Variants in KDM5B observed in about 807,000 individuals in gnomAD.
KDM5B encodes the protein lysine demethylase 5B, also known as lysine-specific demethylase 5B.
A neutral mutation model predicts 193.4 loss-of-function variants in KDM5B; 144 were observed. The observed-to-expected ratio is 0.74, with a 90% CI of 0.65 to 0.86. The LOEUF (loss-of-function observed/expected upper bound fraction) is 0.86. Ranked by LOEUF, KDM5B falls within the 40% of genes least tolerant of loss-of-function variation. The pLI, the probability that KDM5B is intolerant of heterozygous loss-of-function variation, is 0.00. For missense variants in KDM5B, 1,833 were observed against 1,886.9 expected, an observed-to-expected ratio of 0.97 and a Z score of 0.53; for synonymous variants, 668 against 682.6, an observed-to-expected ratio of 0.98 and a Z score of 0.33.
rs750370065 is a variant in KDM5B, at chr1:202,755,386, T to C, written c.1423A>G (p.Ile475Val). 1.2e-6 allele frequency: 2 copies of C among 1,613,742 alleles called. No individual in the cohort carries two copies. The highest frequency in any genetic ancestry group is 1.7e-5 in the Admixed American group (1 of 60,018). ...TTCATGCCACATATATCAGCAGTAA[T>C]ATGTGCAAGGACAGACTGCTCCATC... is the stretch of plus-strand genomic sequence containing the variant. ...PVMEQSVLAH[I>V]TADICGMKLP... is the part of the protein sequence containing the mutation. Residue 475 changes from isoleucine (I) to valine (V), a missense_variant, in exon 11 of 27, where the codon ATT (isoleucine) becomes GTT (valine). Transcript: ENST00000367265.
chr1:202,796,525 C>A, intron 1 of KDM5B: 1 of 180,696 alleles, frequency 5.5e-6, no homozygotes, highest in South Asian at 1.1e-4. Flanking sequence ...CTGGTCCACC[C>A]TGGCACTATC....
At chr1:202,790,513 A>C (rs1176374839) in intron 1 of KDM5B, among the ~76,000 whole-genome samples, 1 of 151,982 alleles carries the variant, frequency 6.6e-6, no homozygotes, top group Non-Finnish European at 1.5e-5. Flanking sequence ...TGAGGTCTGG[A>C]GTTCGAGACC....
intron 8 of KDM5B, among the ~76,000 whole-genome samples, chr1:202,759,811 A>G (rs954418642): frequency 6.6e-6 from 1 of 152,216 alleles, no homozygotes; most frequent in Non-Finnish European, 1.5e-5. Context: ...CTACTTTTTA[A>G]GTTGTTCAAT....
chr1:202,788,613 GAAAGCATTATTTCTTT>G (rs1214061264), intron 1 of KDM5B, among the ~76,000 whole-genome samples: 1 of 152,010 alleles, frequency 6.6e-6, no homozygotes. Context: ...CTCTAAACAG[GAAAGCATTATTTCTTT>G]CATGTCATTC....
rs531093805 is a variant in KDM5B at position 202,740,328 on chromosome 1, T to A, written c.3084+346A>T. Among the ~76,000 whole-genome samples, 138 of 129,674 alleles carry A rather than the reference T, an allele frequency of 1.1e-3. 5 individuals carry two copies. The highest frequency in any genetic ancestry group is 3.7e-3 in the African/African-American group (136 of 36,320). The allele number at this position is 129,674 out of a possible 152,430, so 85.1% of individuals were successfully genotyped here. On this transcript the variant is annotated intron_variant, in intron 20 of 26. Transcript: ENST00000367265. Reference sequence around the variant, plus strand: ...CGGCCGGGCAGAGGCGCCCCTCACCTCCCGGACGGGGTGGCCGGCCGGGCG... The same window carrying A: ...CGGCCGGGCAGAGGCGCCCCTCACCACCCGGACGGGGTGGCCGGCCGGGCG...
At chr1:202,797,663 T>C (rs557681682) in intron 1 of KDM5B, among the ~76,000 whole-genome samples, 16 of 152,216 alleles carry the variant, frequency 1.1e-4, no homozygotes, top group Non-Finnish European at 1.9e-4. Flanking sequence ...ATTGAGATTA[T>C]TTAAATTATG....
At chr1:202,792,777 C>T (rs1453136995) in intron 1 of KDM5B, among the ~76,000 whole-genome samples, 3 of 151,896 alleles carry the variant, frequency 2.0e-5, no homozygotes, top group Admixed American at 6.6e-5. Flanking sequence ...GGGTGGATCA[C>T]GAGGTCAGGA....
At chr1:202,782,944 G>A (rs1018033981) in intron 1 of KDM5B, among the ~76,000 whole-genome samples, 3 of 152,136 alleles carry the variant, frequency 2.0e-5, no homozygotes, top group African/African-American at 7.2e-5. Flanking sequence ...TTGAGCCTGG[G>A]AGCTCAAGAC....
Position 202,749,102 on chromosome 1 carries a change from A to C in KDM5B, c.1859T>G (p.Leu620Trp). ...LGRQCVEHYR[L>W]LHRYCVFSHD... ...GGAAAACACACAATATCGATGAAGC[A>C]AGCGATAATGCTCCACACACTGTCG... is the stretch of plus-strand genomic sequence containing the variant. Residue 620 changes from leucine to tryptophan, a missense_variant, in exon 14 of 27, where the codon TTG becomes TGG. By Grantham distance (61) the Leu-to-Trp change is moderately conservative. This residue lies in a region of KDM5B where 1,379 missense variants were observed against 1,349.6 expected (regional missense o/e 1.02). Transcript: ENST00000367265. The C allele has an allele frequency of 2.5e-6, 4 of 1,614,004 alleles. No homozygotes were observed. Among genetic ancestry groups the C allele is most frequent in the Non-Finnish European group, 3.4e-6 (4 of 1,179,962 alleles).
chr1:202,746,050 T>C, intron 15 of KDM5B, 68 bp from the exon 16 acceptor site: 4 of 1,596,940 alleles, frequency 2.5e-6, no homozygotes, highest in Non-Finnish European at 2.6e-6. Flanking sequence ...TGTTTTATAC[T>C]TAACATTTCA....
At chr1:202,762,650 G>T in intron 7 of KDM5B, 49 bp downstream of exon 7, 1 of 1,058,184 alleles carries the variant, frequency 9.5e-7, no homozygotes, top group Non-Finnish European at 1.5e-6. Context: ...AGAAAGGAAG[G>T]GAAGAAGGAA....
At chr1:202,772,822 T>TA (rs913863438) in intron 4 of KDM5B, among the ~76,000 whole-genome samples, 1 of 151,862 alleles carries the variant, frequency 6.6e-6, no homozygotes, top group Non-Finnish European at 1.5e-5. Flanking sequence ...TCAGCCTCCC[T>TA]AGTAGCTGGG....
intron 16 of KDM5B, among the ~76,000 whole-genome samples, 155 bp downstream of exon 16, chr1:202,745,703 C>T (rs1227461796): frequency 6.6e-6 from 1 of 152,160 alleles, no homozygotes; most frequent in African/African-American, 2.4e-5. Context: ...GGTTTTAAAA[C>T]CTTCTCTGCC....
chr1:202,729,459 G>A (rs1227092046), intron 26 of KDM5B: 13 of 588,008 alleles, frequency 2.2e-5, no homozygotes, highest in East Asian at 2.0e-4. Flanking sequence ...CCTTCTTAGC[G>A]CCGGGAAGGT....
chr1:202,758,304 G>GAGGCCTCACTCTAGT, intron 9 of KDM5B, 87 bp downstream of exon 9: 21 of 1,069,966 alleles, frequency 2.0e-5, no homozygotes, highest in Non-Finnish European at 2.8e-5. Flanking sequence ...CTACTAGAGT[G>GAGGCCTCACTCTAGT]AGGCCTCAAC....
chr1:202,749,306 T>A (rs1655699152), intron 13 of KDM5B, among the ~76,000 whole-genome samples, 167 bp from the exon 14 acceptor site: 4 of 152,204 alleles, frequency 2.6e-5, no homozygotes, highest in Admixed American at 2.6e-4. Flanking sequence ...CTCACACCTG[T>A]AATTCCAACA....
At chr1:202,775,856 CAAAAAAA>C (rs35222749) in intron 2 of KDM5B, among the ~76,000 whole-genome samples, 1 of 21,432 alleles carries the variant, frequency 4.7e-5, no homozygotes, top group East Asian at 1.5e-3. Flanking sequence ...ACTCTTGTCT[CAAAAAAA>C]AAAAAAAAAA....
intron 10 of KDM5B, among the ~76,000 whole-genome samples, chr1:202,755,917 G>T (rs1655989644): frequency 6.6e-6 from 1 of 150,476 alleles, no homozygotes; most frequent in African/African-American, 2.5e-5. Flanking sequence ...AAATTCATCA[G>T]TCTGTATACA....
At position 202,767,008 on chromosome 1, in the gene KDM5B, G is replaced by A. The variant is rs1656491840; in HGVS notation, c.629C>T (p.Pro210Leu). Residue 210 changes from proline to leucine, a missense_variant, in exon 5 of 27, where the codon CCC becomes CTC. Physicochemically the swap from Pro to Leu is moderately conservative, Grantham distance 98. This residue lies in a region of KDM5B where 355 missense variants were observed against 374.9 expected (regional missense o/e 0.95). Coordinates refer to ENST00000367265, the MANE Select transcript of KDM5B (RefSeq NM_006618.5). ...AGACTGCCTCTGGGGAATATCATGG[G>A]GTTTGTACTCCTTGTCCTTAGTGTC... Reference protein sequence around the residue: ...TTDTKDKEYKPHDIPQRQSVQ... With the variant: ...TTDTKDKEYKLHDIPQRQSVQ... 3 of 1,605,138 alleles carry A rather than the reference G, an allele frequency of 1.9e-6. No individual in the cohort carries two copies. The South Asian group carries it at 3.4e-5, about 18-fold the overall frequency.
Sources: gnomAD v4.1 joint callset for allele counts (sites outside exome capture counted in the v4.1 genomes callset) on GRCh38, gnomAD v4.1.1 for gene constraint, gnomAD v4.1.1 regional missense constraint, MANE v1.5 for transcripts, NCBI Gene and HGNC (gene_info 2026-07-23, HGNC 2026-07-21) for gene names.